The following NRIP1 variants were observed in gnomAD, a reference collection of about 807,000 sequenced individuals.
NRIP1 encodes the protein nuclear receptor interacting protein 1.
NRIP1 carries 28 observed loss-of-function variants against 75.0 expected under a neutral mutation model. The ratio of observed to expected loss-of-function variants is 0.37; its 90% CI spans 0.28 to 0.51. The LOEUF (loss-of-function observed/expected upper bound fraction) is 0.51, where lower values mean the gene tolerates loss of function less well. Ranked by LOEUF, NRIP1 falls within the 20% of genes least tolerant of loss-of-function variation. NRIP1 has a pLI of 0.92. For missense variants in NRIP1, 1,435 were observed against 1,343.7 expected, an observed-to-expected ratio of 1.07 and a Z score of -1.06; for synonymous variants, 526 against 487.6, an observed-to-expected ratio of 1.08 and a Z score of -1.04.
At chr21:14,982,079 G>A (rs1448966202) in intron 3 of NRIP1, among the ~76,000 whole-genome samples, 1 of 151,902 alleles carries the variant, frequency 6.6e-6, no homozygotes, top group African/African-American at 2.4e-5. Context: ...CAAGCTCCTG[G>A]GCTCAAGAGA....
At position 14,962,528 on chromosome 21, in the gene NRIP1, G is replaced by A. The variant is rs898771946; in HGVS notation, c.*2188C>T. The stretch of plus-strand genomic sequence containing the variant: ...AGGTCATTTCCCCCTACCCAAGGGA[G>A]AATACCAACATATTTTTTCTGACAT... On this transcript the variant is annotated 3_prime_UTR_variant, in exon 4 of 4. Transcript: ENST00000318948. 12 of 152,358 alleles carry A rather than the reference G, an allele frequency of 7.9e-5. No homozygotes were observed. Among genetic ancestry groups the A allele is most frequent in the Non-Finnish European group, 1.6e-4 (11 of 67,920 alleles). The allele number at this position is 152,358 out of a possible 1,614,324, so 9.4% of individuals were successfully genotyped here.
intron 3 of NRIP1, among the ~76,000 whole-genome samples, chr21:14,978,683 CTTCT>C (rs2087147396): frequency 6.6e-6 from 1 of 152,130 alleles, no homozygotes; most frequent in Non-Finnish European, 1.5e-5. Flanking sequence ...TAAAGAAGGG[CTTCT>C]TTGTTTTGAA....
intron 3 of NRIP1, among the ~76,000 whole-genome samples, chr21:15,010,473 G>C (rs1047852611): frequency 3.3e-5 from 5 of 151,134 alleles, no homozygotes; most frequent in Non-Finnish European, 7.4e-5. Flanking sequence ...TAGTCTAGTA[G>C]GGATCTTCCT....
chr21:15,043,199 T>C (rs1360366776), intron 2 of NRIP1, among the ~76,000 whole-genome samples: 1 of 152,248 alleles, frequency 6.6e-6, no homozygotes, highest in East Asian at 1.9e-4. Context: ...TATCTCATTT[T>C]CAAATCAAGA....
chr21:15,001,903 A>T (rs969356865), intron 3 of NRIP1, among the ~76,000 whole-genome samples: 5 of 152,152 alleles, frequency 3.3e-5, no homozygotes, highest in African/African-American at 4.8e-5. Flanking sequence ...ACATGTTTCA[A>T]GCAGGGAAGC....
chr21:15,064,836 C>G lies in NRIP1; in HGVS notation c.-629G>C, dbSNP rs1978731191. ...CGTCCTGGCCCGGCGCCCCGGCGAG[C>G]TCTTCCCTCCGACCAGCGGCGCTCA... is the stretch of plus-strand genomic sequence containing the variant. On this transcript the variant is annotated 5_prime_UTR_variant, in exon 1 of 4. Transcript: ENST00000318948. 1.3e-5 allele frequency: 2 copies of G among 148,272 alleles called. No homozygotes were observed. Among genetic ancestry groups the G allele is most frequent in the South Asian group, 4.1e-4 (2 of 4,832 alleles). 9.2% of individuals were successfully genotyped at this position (148,272 alleles called of 1,614,324 possible).
At chr21:14,990,238 TC>T (rs909341860) in intron 3 of NRIP1, among the ~76,000 whole-genome samples, 2 of 152,200 alleles carry the variant, frequency 1.3e-5, no homozygotes, top group African/African-American at 4.8e-5. Flanking sequence ...TGGTTTATTT[TC>T]TTCTTTTCTC....
intron 3 of NRIP1, among the ~76,000 whole-genome samples, chr21:15,001,220 T>C (rs1198833444): frequency 6.6e-6 from 1 of 152,162 alleles, no homozygotes; most frequent in Non-Finnish European, 1.5e-5. Context: ...TAGTATGAGG[T>C]ATTTTGCTTC....
At chr21:15,052,647 C>T (rs1362925899) in intron 1 of NRIP1, among the ~76,000 whole-genome samples, 5 of 152,176 alleles carry the variant, frequency 3.3e-5, no homozygotes, top group African/African-American at 7.2e-5. Context: ...GACAAATTCA[C>T]GCAGCATATC....
intron 2 of NRIP1, among the ~76,000 whole-genome samples, chr21:15,015,540 ATAT>A (rs1221867110): frequency 1.3e-5 from 2 of 152,214 alleles, no homozygotes; most frequent in Non-Finnish European, 2.9e-5. Context: ...TTCAAAATAC[ATAT>A]TATTATATTT....
At chr21:15,051,184 A>G in intron 1 of NRIP1, 1 of 300,320 alleles carries the variant, frequency 3.3e-6, no homozygotes, top group East Asian at 8.5e-5. Flanking sequence ...CCGAGAACTC[A>G]TGAGTATAAT....
intron 3 of NRIP1, among the ~76,000 whole-genome samples, chr21:14,987,130 TG>T (rs1440694506): frequency 6.6e-6 from 1 of 152,214 alleles, no homozygotes; most frequent in African/African-American, 2.4e-5. Flanking sequence ...CGGATGGCTC[TG>T]GGTTCAATTT....
chr21:15,061,204 T>C (rs1334858948), intron 1 of NRIP1, among the ~76,000 whole-genome samples: 1 of 152,222 alleles, frequency 6.6e-6, no homozygotes, highest in Non-Finnish European at 1.5e-5. Flanking sequence ...ATTTCTCCAG[T>C]TGGAAGACAT....
At chr21:14,977,548 A>C (rs1485848601) in intron 3 of NRIP1, among the ~76,000 whole-genome samples, 1 of 148,876 alleles carries the variant, frequency 6.7e-6, no homozygotes, top group Non-Finnish European at 1.5e-5. Context: ...TCATTTAAGA[A>C]GACAACAGTG....
At position 14,962,294 on chromosome 21, in the gene NRIP1, T is replaced by C. The variant is rs182526753; in HGVS notation, c.*2422A>G. On this transcript the variant is annotated 3_prime_UTR_variant, in exon 4 of 4. Coordinates refer to ENST00000318948, the MANE Select transcript of NRIP1 (RefSeq NM_003489.4). ...CACTGTTCTTTAAAATCACCCTAAA[T>C]TCAAATTGGGAACATTCTCTAGTAA... The C allele has an allele frequency of 1.6e-3, 239 of 152,066 alleles. 3 individuals are homozygous for C. Among genetic ancestry groups the C allele is most frequent in the East Asian group, 7.7e-4 (4 of 5,172 alleles). The allele number at this position is 152,066 out of a possible 1,614,324, so 9.4% of individuals were successfully genotyped here. A position where few individuals can be genotyped will look rare whatever the true frequency, so the allele number is the denominator to read the frequency against.
intron 1 of NRIP1, among the ~76,000 whole-genome samples, chr21:15,058,378 T>C (rs1372123043): frequency 6.6e-6 from 1 of 152,226 alleles, no homozygotes; most frequent in African/African-American, 2.4e-5. Flanking sequence ...CAAACATATT[T>C]TCTTGATGTC....
At chr21:15,002,324 A>C (rs1955354186) in intron 3 of NRIP1, 1 of 152,194 alleles carries the variant, frequency 6.6e-6, no homozygotes, top group South Asian at 2.1e-4. Flanking sequence ...GGTCCCGACC[A>C]ATACAAGGAG....
intron 3 of NRIP1, among the ~76,000 whole-genome samples, chr21:15,005,273 T>C (rs2087936200): frequency 6.6e-6 from 1 of 152,192 alleles, no homozygotes; most frequent in African/African-American, 2.4e-5. Flanking sequence ...TTTAGCTTTG[T>C]TCTTTACATG....
intron 3 of NRIP1, among the ~76,000 whole-genome samples, chr21:15,003,620 G>A (rs796462643): frequency 6.6e-6 from 1 of 152,242 alleles, no homozygotes; most frequent in African/African-American, 2.4e-5. Context: ...AAGGTCGAAC[G>A]GGTCAGCGTG....
Sources: gnomAD v4.1 joint callset for allele counts (sites outside exome capture counted in the v4.1 genomes callset) on GRCh38, gnomAD v4.1.1 for gene constraint, MANE v1.5 for transcripts, NCBI Gene and HGNC (gene_info 2026-07-23, HGNC 2026-07-21) for gene names.